KIFBP: variants seen among roughly 807,000 people sequenced by gnomAD.
KIFBP encodes kinesin family binding protein, also known as KIF-binding protein.
Under a neutral mutation model 58.9 loss-of-function variants are expected in KIFBP, and 46 were observed. The ratio of observed to expected loss-of-function variants is 0.78; its 90% CI spans 0.62 to 1.00. KIFBP has a LOEUF of 1.00. Among genes scored for constraint, KIFBP ranks in the 50% least tolerant of loss-of-function variants. KIFBP has a pLI of 0.00. For missense variants in KIFBP, 651 were observed against 752.9 expected, an observed-to-expected ratio of 0.86 and a Z score of 1.58; for synonymous variants, 241 against 283.4, an observed-to-expected ratio of 0.85 and a Z score of 1.50.
At chr10:69,002,309 G>A (rs75899167) in intron 2 of KIFBP, among the ~76,000 whole-genome samples, 33 of 151,862 alleles carry the variant, frequency 2.2e-4, no homozygotes, top group African/African-American at 4.8e-4. Context: ...ATAGGTGCCC[G>A]CCACCATTCC....
intron 6 of KIFBP, among the ~76,000 whole-genome samples, chr10:69,014,357 G>A (rs1843624431): frequency 6.6e-6 from 1 of 152,192 alleles, no homozygotes; most frequent in Admixed American, 6.5e-5. Flanking sequence ...CTAGACTGAA[G>A]AAAAGAAGGC....
At chr10:69,001,378 A>T (rs563795384) in intron 2 of KIFBP, among the ~76,000 whole-genome samples, 2 of 152,156 alleles carry the variant, frequency 1.3e-5, no homozygotes, top group East Asian at 3.9e-4. Flanking sequence ...TCCTTAATAA[A>T]CTTTTTTTTA....
chr10:68,995,261 A>G (rs1210027419), intron 1 of KIFBP: 2 of 152,172 alleles, frequency 1.3e-5, no homozygotes, highest in Non-Finnish European at 2.9e-5. Flanking sequence ...TTGGCCTCCC[A>G]AAGTGCTGGG....
Position 68,988,813 on chromosome 10 carries a change from G to A in KIFBP, c.-20G>A, listed in dbSNP as rs199849981. 3.2e-4 allele frequency: 524 copies of A among 1,614,270 alleles called. 1 individual carries two copies. The African/African-American group carries it at 6.3e-3, about 20-fold the overall frequency. Reference sequence around the variant, plus strand: ...GTCCCGACTGCAAACATTGAGGAAAGCCAGGCAGTAGAGGCCGCTATGGCG... The same window carrying A: ...GTCCCGACTGCAAACATTGAGGAAAACCAGGCAGTAGAGGCCGCTATGGCG... On this transcript the variant is annotated 5_prime_UTR_variant, in exon 1 of 7. Transcript: ENST00000361983.
intron 2 of KIFBP, among the ~76,000 whole-genome samples, chr10:69,003,333 T>C (rs1450580037): frequency 6.6e-6 from 1 of 152,194 alleles, no homozygotes; most frequent in Non-Finnish European, 1.5e-5. Flanking sequence ...TACTTATCTA[T>C]TGTGTTTGCC....
In KIFBP at chr10:69,015,637, G is replaced by A; in HGVS notation, c.1087G>A (p.Val363Met). Residue 363 changes from valine (V) to methionine (M), a missense_variant, in exon 7 of 7, where the codon GTG becomes ATG. Val to Met is a conservative substitution (Grantham distance 21). Transcript: ENST00000361983. ...GGAGGAAAGCATTCGGAAAAAAGCT[G>A]TGCAGTTTGGAACCGGTGAACTGTG... Reference protein sequence around the residue: ...DEEESIRKKAVQFGTGELCDA... With the variant: ...DEEESIRKKAMQFGTGELCDA... 6.2e-7 allele frequency: 1 copy of A among 1,614,102 alleles called. No individual in the cohort carries two copies. The highest frequency in any genetic ancestry group is 8.5e-7 in the Non-Finnish European group (1 of 1,179,998).
chr10:69,005,683 A>G, intron 3 of KIFBP, 49 bp from the exon 4 acceptor site: 2 of 1,460,630 alleles, frequency 1.4e-6, no homozygotes, highest in Non-Finnish European at 1.9e-6. Flanking sequence ...AGGAAAAAAA[A>G]AAAACAAGTA....
At chr10:69,008,391 A>AAAAAAAAAAAAAAAAAT in intron 4 of KIFBP, among the ~76,000 whole-genome samples, 17 of 71,590 alleles carry the variant, frequency 2.4e-4, no homozygotes, top group African/African-American at 1.2e-3. Flanking sequence ...AAAAAAAAAA[A>AAAAAAAAAAAAAAAAAT]ATATATATAT....
rs1843532113 is a variant in KIFBP at position 69,006,061 on chromosome 10, G to T, written c.789+146G>T. On this transcript the variant is annotated intron_variant, in intron 4 of 6. Transcript: ENST00000361983. ...TGAAGCCGAAAATGCAGCCCAGTTTGCCCGTGTACTAAAATTTTGTAGCTT... is the reference window on the plus strand; with the variant it reads ...TGAAGCCGAAAATGCAGCCCAGTTTTCCCGTGTACTAAAATTTTGTAGCTT... The T allele has an allele frequency of 1.3e-5, 9 of 700,842 alleles. No homozygotes were observed. The South Asian group carries it at 1.8e-4, about 14-fold the overall frequency. 43.4% of individuals were successfully genotyped at this position (700,842 alleles called of 1,614,324 possible).
Position 69,015,170 on chromosome 10 carries a change from C to T in KIFBP, c.991-371C>T, listed in dbSNP as rs556741624. ...AACTCCTGACCTCGTGATCTGTCCG[C>T]CTTGGCCTCCCAAAGTGCTGGGAGT... is the stretch of plus-strand genomic sequence containing the variant. On this transcript the variant is annotated intron_variant, in intron 6 of 6. Transcript: ENST00000361983. Among the ~76,000 whole-genome samples, 385 of 152,262 alleles carry T rather than the reference C, an allele frequency of 2.5e-3. 2 individuals are homozygous for T. The highest frequency in any genetic ancestry group is 2.9e-3 in the Non-Finnish European group (197 of 68,038).
At chr10:69,005,230 G>A (rs944821936) in intron 3 of KIFBP, 105 bp downstream of exon 3, 136 of 843,974 alleles carry the variant, frequency 1.6e-4, no homozygotes, top group Non-Finnish European at 2.8e-5. Flanking sequence ...GATTCTGACA[G>A]GAGTAAAACC....
chr10:68,994,079 C>T (rs1843379062), intron 1 of KIFBP, among the ~76,000 whole-genome samples: 1 of 152,016 alleles, frequency 6.6e-6, no homozygotes, highest in Middle Eastern at 3.2e-3. Flanking sequence ...GTCCCAGCTA[C>T]TCAGGAGGCT....
At chr10:68,991,985 T>G (rs1843352908) in intron 1 of KIFBP, among the ~76,000 whole-genome samples, 1 of 150,918 alleles carries the variant, frequency 6.6e-6, no homozygotes, top group Non-Finnish European at 1.5e-5. Flanking sequence ...TTTTTTTTGC[T>G]TGTTTTTTAT....
chr10:69,004,112 C>T (rs1280867932), intron 2 of KIFBP, among the ~76,000 whole-genome samples: 1 of 150,566 alleles, frequency 6.6e-6, no homozygotes, highest in African/African-American at 2.5e-5. Context: ...CCTAGCTACC[C>T]AGGAGGTTAA....
chr10:69,005,705 A>G (rs1429690353), intron 3 of KIFBP, 27 bp from the exon 4 acceptor site: 1 of 1,531,238 alleles, frequency 6.5e-7, no homozygotes, highest in Admixed American at 1.7e-5. Flanking sequence ...ACCATTACAC[A>G]AATATTGGTT....
intron 1 of KIFBP, among the ~76,000 whole-genome samples, chr10:68,993,120 T>C (rs1175440071): frequency 3.3e-5 from 5 of 152,204 alleles, no homozygotes; most frequent in Non-Finnish European, 7.3e-5. Flanking sequence ...TTTATGTCTC[T>C]TCTTAGTTCA....
At position 69,016,676 on chromosome 10, in the gene KIFBP, T is replaced by C. The variant is rs1417250588; in HGVS notation, c.*260T>C. ...TGTTTCCTATTAAAATACAGACATT[T>C]CTACCCTCAGTTTCTAAATGTAGAC... On this transcript the variant is annotated 3_prime_UTR_variant, in exon 7 of 7. Coordinates refer to ENST00000361983, the MANE Select transcript of KIFBP (RefSeq NM_015634.4). 9.2e-6 allele frequency: 4 copies of C among 436,592 alleles called. No individual in the cohort carries two copies. Among genetic ancestry groups the C allele is most frequent in the Non-Finnish European group, 1.6e-5 (4 of 242,810 alleles). 27.0% of individuals were successfully genotyped at this position (436,592 alleles called of 1,614,324 possible). A position where few individuals can be genotyped will look rare whatever the true frequency, so the allele number is the denominator to read the frequency against.
chr10:69,001,837 A>G (rs1282839019), intron 2 of KIFBP, among the ~76,000 whole-genome samples: 2 of 152,108 alleles, frequency 1.3e-5, no homozygotes, highest in Admixed American at 6.6e-5. Flanking sequence ...GAGACTAAAC[A>G]TACAAAATTA....
At chr10:68,998,759 A>G (rs182797556) in intron 1 of KIFBP, among the ~76,000 whole-genome samples, 135 of 82,066 alleles carry the variant, frequency 1.6e-3, no homozygotes, top group African/African-American at 4.9e-3. Context: ...ACATATATGT[A>G]TATATATATA....
Sources: gnomAD v4.1 joint callset for allele counts (sites outside exome capture counted in the v4.1 genomes callset) on GRCh38, gnomAD v4.1.1 for gene constraint, MANE v1.5 for transcripts, NCBI Gene and HGNC (gene_info 2026-07-23, HGNC 2026-07-21) for gene names.